Variants in SRRM3 observed in about 807,000 individuals in gnomAD.
SRRM3 encodes the protein serine/arginine repetitive matrix protein 3.
SRRM3 carries 27 observed loss-of-function variants against 66.2 expected under a neutral mutation model. That is an observed-to-expected ratio of 0.41 (90% CI 0.30 to 0.56). The LOEUF is 0.56. SRRM3 is among the 20% of genes least tolerant of loss of function. The pLI is 0.32. For synonymous variants in SRRM3, 391 were observed against 414.9 expected (o/e 0.94, Z 0.70); for missense variants, 918 against 991.9 (o/e 0.93, Z 1.00).
intron 6 of SRRM3, 46 bp from the exon 7 acceptor site, chr7:76,261,306 C>T (rs369151212): frequency 5.9e-5 from 19 of 320,574 alleles, no homozygotes; most frequent in African/African-American, 4.8e-4. Context: ...TCCAGCCCCC[C>T]ACCCCCCACC....
At chr7:76,236,242 G>A (rs1801150540) in intron 2 of SRRM3, among the ~76,000 whole-genome samples, 2 of 150,772 alleles carry the variant, frequency 1.3e-5, no homozygotes, top group Non-Finnish European at 1.5e-5. Context: ...CCGGGAGGTG[G>A]AGGTTGCAGT....
At chr7:76,274,280 TC>T (rs1554610830) in intron 11 of SRRM3, among the ~76,000 whole-genome samples, 1 of 152,250 alleles carries the variant, frequency 6.6e-6, no homozygotes, top group Non-Finnish European at 1.5e-5. Flanking sequence ...CTCAAGTCCT[TC>T]CCTGGCTGCA....
chr7:76,258,981 T>C (rs1156971171), intron 3 of SRRM3, among the ~76,000 whole-genome samples: 4 of 149,724 alleles, frequency 2.7e-5, no homozygotes, highest in African/African-American at 4.9e-5. Context: ...GAAGCGGAGG[T>C]TGCAGTGAGG....
At chr7:76,202,844 C>T (rs1800190458) in intron 1 of SRRM3, among the ~76,000 whole-genome samples, 2 of 152,166 alleles carry the variant, frequency 1.3e-5, no homozygotes, top group South Asian at 4.1e-4. Flanking sequence ...GTTGAAGCCT[C>T]CTGCAGTTCC....
In SRRM3 at chr7:76,260,213, G is replaced by A; in HGVS notation, c.545+16G>A. On this transcript the variant is annotated intron_variant, in intron 5 of 14. Transcript: ENST00000611745. Reference sequence around the variant, plus strand: ...GGAGAAGCCGGTGAGAACCGCGCCTGACCGGAGCGGGAAGGGAGGAGGAGG... The same window carrying A: ...GGAGAAGCCGGTGAGAACCGCGCCTAACCGGAGCGGGAAGGGAGGAGGAGG... 2 of 1,522,688 alleles carry A rather than the reference G, an allele frequency of 1.3e-6. No homozygotes were observed. Among genetic ancestry groups the A allele is most frequent in the Non-Finnish European group, 1.8e-6 (2 of 1,137,484 alleles). 94.3% of individuals were successfully genotyped at this position (1,522,688 alleles called of 1,614,324 possible).
At chr7:76,280,244 TC>T (rs1263676485) in intron 11 of SRRM3, among the ~76,000 whole-genome samples, 1 of 152,166 alleles carries the variant, frequency 6.6e-6, no homozygotes. Context: ...AATGTCAGGT[TC>T]CCCAGGATCA....
At chr7:76,252,945 CTT>C (rs1554607093) in intron 3 of SRRM3, among the ~76,000 whole-genome samples, 1 of 151,462 alleles carries the variant, frequency 6.6e-6, no homozygotes, top group Non-Finnish European at 1.5e-5. Flanking sequence ...GAGTGGATCA[CTT>C]GAGGTCAGGA....
chr7:76,261,853 G>A (rs890995990), intron 8 of SRRM3, among the ~76,000 whole-genome samples: 1 of 152,066 alleles, frequency 6.6e-6, no homozygotes, highest in Non-Finnish European at 1.5e-5. Context: ...CAAGGGGTGT[G>A]TCTGTCTGTG....
At position 76,236,005 on chromosome 7, in the gene SRRM3, C is replaced by CAAAA. The variant is rs1161706465; in HGVS notation, c.233+728_233+731dup. ...TGGGCAACAGATCGAGATTCTGTCTCAAAAAAAAAAAAAAAAAAAAAAAAA... is the reference window on the plus strand; with the variant it reads ...TGGGCAACAGATCGAGATTCTGTCTCAAAAAAAAAAAAAAAAAAAAAAAAAAAAA... On this transcript the variant is annotated intron_variant, in intron 2 of 14. Coordinates refer to ENST00000611745, the MANE Select transcript of SRRM3 (RefSeq NM_001110199.3). Among the ~76,000 whole-genome samples the CAAAA allele has an allele frequency of 1.5e-3, 30 of 20,262 alleles. 1 individual carries two copies. Among genetic ancestry groups the CAAAA allele is most frequent in the African/African-American group, 4.3e-3 (27 of 6,220 alleles). The allele number at this position is 20,262 out of a possible 152,430, so 13.3% of individuals were successfully genotyped here.
intron 11 of SRRM3, among the ~76,000 whole-genome samples, chr7:76,270,603 G>A (rs1802183904): frequency 6.6e-6 from 1 of 152,108 alleles, no homozygotes; most frequent in South Asian, 2.1e-4. Flanking sequence ...CCTGAGGTCA[G>A]GAGTTCGAGA....
intron 1 of SRRM3, among the ~76,000 whole-genome samples, chr7:76,206,419 AG>A (rs1250966710): frequency 6.6e-6 from 1 of 152,132 alleles, no homozygotes; most frequent in East Asian, 1.9e-4. Flanking sequence ...AGGAGAACAG[AG>A]GGGATTATGA....
In SRRM3 at chr7:76,283,074, G is replaced by C; in HGVS notation, c.1706G>C (p.Ser569Thr). ...CGCAAGCGGCGCCGGGACTCGCCAA[G>C]CTTCATGGAGCCGCGGCGCATCACC... ...PIRKRRRDSP[S>T]FMEPRRITSA... Residue 569 changes from serine (S) to threonine (T), a missense_variant, in exon 14 of 15, where the codon AGC (serine) becomes ACC (threonine). Physicochemically the swap from Ser to Thr is moderately conservative, Grantham distance 58. Coordinates refer to ENST00000611745, the MANE Select transcript of SRRM3 (RefSeq NM_001110199.3). 1 of 1,468,544 alleles carries C rather than the reference G, an allele frequency of 6.8e-7. No homozygotes were observed. The highest frequency in any genetic ancestry group is 8.9e-7 in the Non-Finnish European group (1 of 1,119,748). 91.0% of individuals were successfully genotyped at this position (1,468,544 alleles called of 1,614,324 possible).
intron 11 of SRRM3, among the ~76,000 whole-genome samples, chr7:76,278,216 A>G (rs1436106497): frequency 6.6e-6 from 1 of 151,812 alleles, no homozygotes; most frequent in Non-Finnish European, 1.5e-5. Flanking sequence ...GCCGGGCACG[A>G]TGGCTCACAC....
Position 76,281,747 on chromosome 7 carries a change from C to T in SRRM3, c.1315C>T (p.Pro439Ser). The T allele has an allele frequency of 3.0e-6, 4 of 1,349,742 alleles. No individual in the cohort carries two copies. Among genetic ancestry groups the T allele is most frequent in the Non-Finnish European group, 1.9e-6 (2 of 1,049,134 alleles). 83.6% of individuals were successfully genotyped at this position (1,349,742 alleles called of 1,614,324 possible). A position where few individuals can be genotyped will look rare whatever the true frequency, so the allele number is the denominator to read the frequency against. ...CGACTCCGGCAGCGGCCGCGGCGCC[C>T]CCGGCCCCGGGCCCGAGCCCGGCTC... The part of the protein sequence containing the change: ...SSDSGSGRGA[P>S]GPGPEPGSER... The change falls in exon 12 of 15, where the codon CCC (proline) becomes TCC (serine). Residue 439 changes from proline to serine, a missense_variant. Physicochemically the swap from Pro to Ser is moderately conservative, Grantham distance 74. Coordinates refer to ENST00000611745, the MANE Select transcript of SRRM3 (RefSeq NM_001110199.3).
Position 76,261,309 on chromosome 7 carries a change from C to A in SRRM3, c.576-43C>A. ...TCTCCAGCCATTTCCAGCCCCCCAC[C>A]CCCCACCCCAGCTCACTAGAGCCCA... On this transcript the variant is annotated intron_variant, in intron 6 of 14. Transcript: ENST00000611745. The A allele has an allele frequency of 2.5e-5, 8 of 325,734 alleles. 1 individual carries two copies. The highest frequency in any genetic ancestry group is 4.2e-4 in the Middle Eastern group (1 of 2,398). 20.2% of individuals were successfully genotyped at this position (325,734 alleles called of 1,614,324 possible).
chr7:76,275,579 G>A, intron 11 of SRRM3, among the ~76,000 whole-genome samples: 1 of 152,082 alleles, frequency 6.6e-6, no homozygotes, highest in Non-Finnish European at 1.5e-5. Flanking sequence ...AGCCCCATGA[G>A]GAAGAGGAGG....
At chr7:76,258,713 C>CAAAAAAAAAAAAA (rs201265747) in intron 3 of SRRM3, among the ~76,000 whole-genome samples, 3 of 68,230 alleles carry the variant, frequency 4.4e-5, no homozygotes, top group Non-Finnish European at 9.4e-5. Context: ...GACTCCATCT[C>CAAAAAAAAAAAAA]AAAAAAAAAA....
intron 6 of SRRM3, 126 bp from the exon 7 acceptor site, chr7:76,261,226 C>T: frequency 1.3e-6 from 1 of 784,500 alleles, no homozygotes; most frequent in Admixed American, 2.8e-5. Flanking sequence ...TACAAGGGAC[C>T]TTGGGCTTCC....
intron 2 of SRRM3, among the ~76,000 whole-genome samples, chr7:76,244,917 G>A (rs1801400827): frequency 6.6e-6 from 1 of 152,234 alleles, no homozygotes; most frequent in African/African-American, 2.4e-5. Flanking sequence ...GGCAGGCATG[G>A]GGCCAGGTGC....
Sources: allele counts gnomAD v4.1 joint callset (sites outside exome capture counted in the v4.1 genomes callset), GRCh38; gene constraint gnomAD v4.1.1; transcripts MANE v1.5; gene names NCBI Gene and HGNC (gene_info 2026-07-23, HGNC 2026-07-21).